The following BCKDHA variants were observed in gnomAD, a reference collection of about 807,000 sequenced individuals.
BCKDHA encodes 2-oxoisovalerate dehydrogenase subunit alpha, mitochondrial.
A neutral mutation model predicts 52.2 loss-of-function variants in BCKDHA; 43 were observed. That is an observed-to-expected ratio of 0.82 (90% confidence interval 0.64 to 1.06). BCKDHA has a LOEUF of 1.06. BCKDHA is among the 50% of genes least tolerant of loss of function. The probability of loss-of-function intolerance (pLI) is 0.00; values close to 1 mark genes in which losing one functional copy is unlikely to be tolerated. For missense variants in BCKDHA, 527 were observed against 621.3 expected (o/e 0.85, Z 1.61); for synonymous variants, 234 against 247.9 (o/e 0.94, Z 0.53).
rs904434121 is a variant in BCKDHA at position 41,410,785 on chromosome 19, G to A, written c.257G>A (p.Gly86Asp). 3 of 1,614,144 alleles carry A rather than the reference G, an allele frequency of 1.9e-6. No homozygotes were observed. Among genetic ancestry groups the A allele is most frequent in the South Asian group, 2.2e-5 (2 of 91,088 alleles). The change falls in exon 2 of 9, where the codon GGC becomes GAC. Residue 86 changes from glycine (G) to aspartate (D), a missense_variant. Physicochemically the swap from Gly to Asp is moderately conservative, Grantham distance 94. Transcript: ENST00000269980. ...ATCTACCGCGTCATGGACCGGCAAGGCCAGATCATCAACCCCAGCGAGGAC... is the reference window on the plus strand; with the variant it reads ...ATCTACCGCGTCATGGACCGGCAAGACCAGATCATCAACCCCAGCGAGGAC... ...IPIYRVMDRQ[G>D]QIINPSEDPH...
rs398123513 is a variant in BCKDHA, at chr19:41,422,739, C to T, written c.964C>T (p.Gln322Ter). The change falls in exon 7 of 9, where the codon CAG (glutamine) becomes TAG (stop). Residue 322 changes from glutamine to a stop codon, truncating the protein, a stop_gained. Coordinates refer to ENST00000269980, the MANE Select transcript of BCKDHA (RefSeq NM_000709.4). LOFTEE classifies it high-confidence loss of function. ...EARRRAVAENQPFLIEAMTYR... is the reference protein window; with the variant it reads ...EARRRAVAEN The stretch of plus-strand genomic sequence containing the variant: ...CCGACGGCGGGCTGTGGCAGAGAAC[C>T]AGCCCTTCCTCATCGAGGCCATGAC... 1.2e-6 allele frequency: 2 copies of T among 1,613,974 alleles called. No individual in the cohort carries two copies. Among genetic ancestry groups the T allele is most frequent in the Non-Finnish European group, 1.7e-6 (2 of 1,180,026 alleles).
chr19:41,404,304 T>A (rs547773445), intron 1 of BCKDHA, among the ~76,000 whole-genome samples: 10 of 152,050 alleles, frequency 6.6e-5, no homozygotes, highest in East Asian at 3.9e-4. Flanking sequence ...TTATTTATTT[T>A]TTTGAGATGT....
chr19:41,424,393 G>C (rs200202585), intron 8 of BCKDHA, 45 bp from the exon 9 acceptor site: 2 of 1,611,572 alleles, frequency 1.2e-6, no homozygotes, highest in East Asian at 4.5e-5. Context: ...GCAGGGTCCT[G>C]CATGGGAGGC....
At chr19:41,419,421 C>A in intron 5 of BCKDHA, 125 bp downstream of exon 5, 2 of 1,226,912 alleles carry the variant, frequency 1.6e-6, no homozygotes, top group Non-Finnish European at 1.2e-6. Context: ...GAGCCCTGGT[C>A]TGTGCTCCAG....
rs1408953255 is a variant in BCKDHA, at chr19:41,397,981, T to C, written c.108+46T>C. The C allele has an allele frequency of 5.3e-6, 8 of 1,521,984 alleles. No homozygotes were observed. In the East Asian group the frequency reaches 1.8e-4, roughly 35 times the overall value. The allele number at this position is 1,521,984 out of a possible 1,614,324, so 94.3% of individuals were successfully genotyped here. On this transcript the variant is annotated intron_variant, in intron 1 of 8. Coordinates refer to ENST00000269980, the MANE Select transcript of BCKDHA (RefSeq NM_000709.4). The stretch of plus-strand genomic sequence containing the variant: ...CGGTTTTCCCAAAGGGGATTAGGGA[T>C]GTAAAGGCTATCTTCAGAGTGTGGG...
At chr19:41,416,459 T>C (rs1031871946) in intron 4 of BCKDHA, among the ~76,000 whole-genome samples, 2 of 152,234 alleles carry the variant, frequency 1.3e-5, no homozygotes, top group Non-Finnish European at 2.9e-5. Context: ...GGTGAGGTCA[T>C]GGGCCCAGGC....
rs398123508 is a variant in BCKDHA at position 41,422,370 on chromosome 19, G to C, written c.853G>C (p.Ala285Pro). 5.5e-5 allele frequency: 89 copies of C among 1,614,022 alleles called. No homozygotes were observed. Among genetic ancestry groups the C allele is most frequent in the Non-Finnish European group, 7.2e-5 (85 of 1,180,030 alleles). ...TGAGCAGTATCGCGGCGATGGCATT[G>C]GTATGGGCTCTGCTGGCTGCTCCCC... ...TSEQYRGDGI[A>P]ARGPGYGIMS... is the part of the protein sequence containing the mutation. The change falls in exon 6 of 9, where the codon GCA (alanine) becomes CCA (proline). Residue 285 changes from alanine to proline, a missense_variant and splice_region_variant. Ala to Pro is a conservative substitution (Grantham distance 27). Coordinates refer to ENST00000269980, the MANE Select transcript of BCKDHA (RefSeq NM_000709.4).
At chr19:41,411,244 G>C (rs922510933) in intron 3 of BCKDHA, among the ~76,000 whole-genome samples, 1 of 152,130 alleles carries the variant, frequency 6.6e-6, no homozygotes, top group Non-Finnish European at 1.5e-5. Context: ...CTGGGGGCTC[G>C]CCTGTGTGGG....
chr19:41,411,320 G>A (rs1366932707), intron 3 of BCKDHA, among the ~76,000 whole-genome samples: 1 of 152,162 alleles, frequency 6.6e-6, no homozygotes, highest in Non-Finnish European at 1.5e-5. Flanking sequence ...GAAACAGGGT[G>A]GGTCCCCAGT....
Position 41,422,280 on chromosome 19 carries a change from A to T in BCKDHA, c.763A>T (p.Thr255Ser). 1 of 1,614,186 alleles carries T rather than the reference A, an allele frequency of 6.2e-7. No homozygotes were observed. Among genetic ancestry groups the T allele is most frequent in the Non-Finnish European group, 8.5e-7 (1 of 1,180,002 alleles). Reference sequence around the variant, plus strand: ...CCATGCCGGCTTCAACTTCGCTGCCACACTTGAGTGCCCCATCATCTTCTT... The same window carrying T: ...CCATGCCGGCTTCAACTTCGCTGCCTCACTTGAGTGCCCCATCATCTTCTT... ...DAHAGFNFAA[T>S]LECPIIFFCR... The change falls in exon 6 of 9, where the codon ACA (threonine) becomes TCA (serine). Residue 255 changes from threonine (T) to serine (S), a missense_variant. Thr to Ser is a moderately conservative substitution (Grantham distance 58). Transcript: ENST00000269980.
At chr19:41,416,756 A>G (rs2039312082) in intron 4 of BCKDHA, among the ~76,000 whole-genome samples, 1 of 151,974 alleles carries the variant, frequency 6.6e-6, no homozygotes, top group African/African-American at 2.4e-5. Context: ...CCCCATCTCT[A>G]AAAAATTAAA....
intron 1 of BCKDHA, among the ~76,000 whole-genome samples, chr19:41,410,281 C>A (rs1466569154): frequency 6.6e-6 from 1 of 152,082 alleles, no homozygotes; most frequent in Non-Finnish European, 1.5e-5. Context: ...GCCTCGAATG[C>A]CAGGATGAAG....
rs145901144 is a variant in BCKDHA, at chr19:41,422,664, C to T, written c.889C>T (p.Arg297Cys). Residue 297 changes from arginine to cysteine, a missense_variant, in exon 7 of 9, where the codon CGC becomes TGC. Coordinates refer to ENST00000269980, the MANE Select transcript of BCKDHA (RefSeq NM_000709.4). ...CCCCGGGTATGGCATCATGTCAATC[C>T]GCGTGGATGGTAATGATGTGTTTGC... ...RGPGYGIMSI[R>C]VDGNDVFAVY... 23 of 1,614,032 alleles carry T rather than the reference C, an allele frequency of 1.4e-5. No individual in the cohort carries two copies. Among genetic ancestry groups the T allele is most frequent in the Middle Eastern group, 1.6e-4 (1 of 6,084 alleles).
chr19:41,404,712 G>A (rs4802117), intron 1 of BCKDHA, among the ~76,000 whole-genome samples: 92,843 of 150,590 alleles, frequency 0.62, 28,965 homozygotes, highest in African/African-American at 0.7. Flanking sequence ...TCCTGCCTCA[G>A]CCTCCTGAGT....
Position 41,410,738 on chromosome 19 carries a change from C to A in BCKDHA, c.210C>A (p.Pro70=). 1 of 1,614,180 alleles carries A rather than the reference C, an allele frequency of 6.2e-7. No homozygotes were observed. Among genetic ancestry groups the A allele is most frequent in the Non-Finnish European group, 8.5e-7 (1 of 1,180,038 alleles). Residue 70 remains proline, a synonymous_variant, in exon 2 of 9, where the codon CCC becomes CCA. Coordinates refer to ENST00000269980, the MANE Select transcript of BCKDHA (RefSeq NM_000709.4). The part of the protein sequence containing the change: ...EFIDKLEFIQ[P]NVISGIPIYR... ...TAGATAAGTTGGAATTCATCCAGCC[C>A]AACGTCATCTCTGGAATCCCCATCT... is the stretch of plus-strand genomic sequence containing the variant.
intron 5 of BCKDHA, among the ~76,000 whole-genome samples, chr19:41,421,091 A>G (rs1295812960): frequency 6.6e-6 from 1 of 152,126 alleles, no homozygotes; most frequent in Non-Finnish European, 1.5e-5. Context: ...TGGGCAGGGA[A>G]GCTTTCTCAG....
intron 5 of BCKDHA, among the ~76,000 whole-genome samples, chr19:41,421,026 CAT>C (rs1440539918): frequency 6.6e-6 from 1 of 152,150 alleles, no homozygotes; most frequent in African/African-American, 2.4e-5. Context: ...CCCCTTAGCT[CAT>C]AGTGTTCTTT....
At chr19:41,424,039 G>C (rs1485608488) in intron 8 of BCKDHA, among the ~76,000 whole-genome samples, 3 of 152,016 alleles carry the variant, frequency 2.0e-5, no homozygotes, top group African/African-American at 7.2e-5. Context: ...AAACCGTGGT[G>C]GAGTGTACAT....
chr19:41,407,769 C>T (rs1053540787), intron 1 of BCKDHA, among the ~76,000 whole-genome samples: 10 of 152,162 alleles, frequency 6.6e-5, no homozygotes, highest in Non-Finnish European at 1.2e-4. Flanking sequence ...TTGTGGCAAA[C>T]CCTGCCATTC....
Sources: allele counts gnomAD v4.1 joint callset (sites outside exome capture counted in the v4.1 genomes callset), GRCh38; gene constraint gnomAD v4.1.1; transcripts MANE v1.5; gene names NCBI Gene and HGNC (gene_info 2026-07-23, HGNC 2026-07-21).